RNF38: variants seen among roughly 807,000 people sequenced by gnomAD.
The protein encoded by RNF38 is E3 ubiquitin-protein ligase RNF38.
Under a neutral mutation model 67.2 loss-of-function variants are expected in RNF38, and 15 were observed. The ratio of observed to expected loss-of-function variants is 0.22; its 90% CI spans 0.15 to 0.34. The LOEUF (loss-of-function observed/expected upper bound fraction) is 0.34. RNF38 is among the 10% of genes least tolerant of loss of function. RNF38 has a pLI of 1.00. For synonymous variants in RNF38, 220 were observed against 218.8 expected (o/e 1.01, Z -0.05); for missense variants, 524 against 639.9 (o/e 0.82, Z 1.95).
At chr9:36,440,621 G>A (rs557180942) in intron 1 of RNF38, among the ~76,000 whole-genome samples, 4 of 151,980 alleles carry the variant, frequency 2.6e-5, no homozygotes, top group African/African-American at 9.6e-5. Context: ...AAAAAAGCAA[G>A]TTGCAGAATA....
chr9:36,358,279 A>T (rs1360771871), intron 4 of RNF38, among the ~76,000 whole-genome samples: 1 of 152,200 alleles, frequency 6.6e-6, no homozygotes, highest in African/African-American at 2.4e-5. Flanking sequence ...ATCTTCCATT[A>T]TTTGGTCACA....
chr9:36,475,145 CAAAA>C (rs10572878), intron 1 of RNF38, among the ~76,000 whole-genome samples: 20 of 122,544 alleles, frequency 1.6e-4, no homozygotes, highest in Admixed American at 2.5e-4. Context: ...GACTCTGCCT[CAAAA>C]AAAAAAAAAA....
chr9:36,397,382 G>C (rs1837622834), intron 1 of RNF38, among the ~76,000 whole-genome samples: 2 of 152,060 alleles, frequency 1.3e-5, no homozygotes, highest in South Asian at 4.1e-4. Flanking sequence ...CCAAAGTGCT[G>C]GGATTACAGG....
chr9:36,422,474 T>C (rs1014896880), intron 2 of RNF38, among the ~76,000 whole-genome samples: 2 of 152,298 alleles, frequency 1.3e-5, no homozygotes, highest in African/African-American at 4.8e-5. Flanking sequence ...AATCTGTAAC[T>C]TTTCTTTTAT....
In RNF38 at chr9:36,487,399, G is replaced by C. The variant is rs1198841853; in HGVS notation, n.150C>G. The C allele has an allele frequency of 4.1e-6, 4 of 982,432 alleles. No individual in the cohort carries two copies. The South Asian group carries it at 1.8e-4, about 44-fold the overall frequency. 60.9% of individuals were successfully genotyped at this position (982,432 alleles called of 1,614,324 possible). On this transcript the variant is annotated non_coding_transcript_exon_variant, in exon 1 of 4. Coordinates refer to the RNF38 transcript ENST00000488058. The stretch of plus-strand genomic sequence containing the variant: ...GAGGGCTGAGGCGGTCCGTGGCGGC[G>C]GGCTCCGGCCGGGGCGGCGGCGGTG...
chr9:36,451,537 G>A (rs1423003150), intron 1 of RNF38, among the ~76,000 whole-genome samples: 3 of 30,132 alleles, frequency 1.0e-4, no homozygotes, highest in African/African-American at 3.1e-4. Context: ...TTTCGCTTTT[G>A]TTGCTCAGGC....
chr9:36,451,141 C>T (rs1045019784), intron 1 of RNF38, among the ~76,000 whole-genome samples: 1 of 151,980 alleles, frequency 6.6e-6, no homozygotes, highest in Non-Finnish European at 1.5e-5. Context: ...AGTTATGGAA[C>T]AAACAAGCGG....
At position 36,400,153 on chromosome 9, in the gene RNF38, C is replaced by G. The variant is rs2134143845; in HGVS notation, c.-45G>C. ...TTATTTCTTTTTGGACCTCAATAAC[C>G]TGAAACACTCCCGTTTCAAAAACCA... On this transcript the variant is annotated 5_prime_UTR_variant, in exon 1 of 12. Transcript: ENST00000259605. The G allele has an allele frequency of 1.2e-6, 2 of 1,607,652 alleles. No homozygotes were observed. Among genetic ancestry groups the G allele is most frequent in the South Asian group, 1.1e-5 (1 of 90,448 alleles).
At chr9:36,343,331 T>C (rs1405381217) in intron 10 of RNF38, among the ~76,000 whole-genome samples, 2 of 152,212 alleles carry the variant, frequency 1.3e-5, no homozygotes, top group African/African-American at 4.8e-5. Context: ...CAGAGATCCC[T>C]GTTCTGAGAG....
At chr9:36,356,140 C>G (rs1439459821) in intron 6 of RNF38, among the ~76,000 whole-genome samples, 163 bp downstream of exon 6, 1 of 152,282 alleles carries the variant, frequency 6.6e-6, no homozygotes, top group Middle Eastern at 3.4e-3. Flanking sequence ...AGTCACTGCA[C>G]CTGGCCAAGT....
At chr9:36,446,835 A>G (rs1839314808) in intron 1 of RNF38, among the ~76,000 whole-genome samples, 1 of 147,728 alleles carries the variant, frequency 6.8e-6, no homozygotes, top group Admixed American at 6.8e-5. Flanking sequence ...AAAAAAAAAA[A>G]AAAAGTCAGG....
At chr9:36,416,740 A>ATTTTTT (rs1491451376) in intron 2 of RNF38, among the ~76,000 whole-genome samples, 8 of 73,050 alleles carry the variant, frequency 1.1e-4, no homozygotes, top group African/African-American at 4.4e-4. Flanking sequence ...TGCTGCCTCG[A>ATTTTTT]TATTTTTTTT....
intron 9 of RNF38, among the ~76,000 whole-genome samples, chr9:36,345,846 C>A (rs1438734007): frequency 6.6e-6 from 1 of 152,128 alleles, no homozygotes; most frequent in Non-Finnish European, 1.5e-5. Context: ...TGTAGAAATT[C>A]CCAGTTTGAA....
At chr9:36,481,815 G>GA (rs1226376643) in intron 1 of RNF38, among the ~76,000 whole-genome samples, 1 of 151,808 alleles carries the variant, frequency 6.6e-6, no homozygotes, top group East Asian at 1.9e-4. Context: ...CTCTCTCCAA[G>GA]AAAAAATGAA....
chr9:36,356,590 T>G, intron 5 of RNF38, 117 bp from the exon 6 acceptor site: 1 of 770,378 alleles, frequency 1.3e-6, no homozygotes, highest in Non-Finnish European at 2.0e-6. Context: ...TGAAAATGTT[T>G]TTAATAGCTT....
At chr9:36,476,805 G>C (rs1199068559) in intron 1 of RNF38, among the ~76,000 whole-genome samples, 1 of 152,066 alleles carries the variant, frequency 6.6e-6, no homozygotes, top group Non-Finnish European at 1.5e-5. Flanking sequence ...TGGGATTATA[G>C]CTGTTTCCTA....
At chr9:36,440,297 C>G (rs1331215553) in intron 1 of RNF38, among the ~76,000 whole-genome samples, 1 of 151,748 alleles carries the variant, frequency 6.6e-6, no homozygotes, top group Admixed American at 6.6e-5. Flanking sequence ...AACCTGTAAT[C>G]CCAGCACTTT....
chr9:36,397,018 TG>T (rs1837562387), intron 1 of RNF38, among the ~76,000 whole-genome samples: 1 of 147,716 alleles, frequency 6.8e-6, no homozygotes, highest in Non-Finnish European at 1.5e-5. Flanking sequence ...TATATGTGTG[TG>T]TGTGTGTATA....
At chr9:36,476,211 G>A (rs1840117622) in intron 1 of RNF38, among the ~76,000 whole-genome samples, 1 of 151,984 alleles carries the variant, frequency 6.6e-6, no homozygotes, top group African/African-American at 2.4e-5. Context: ...TGCAACCATG[G>A]TCTCCCGGGT....
Sources: gnomAD v4.1 joint callset for allele counts (sites outside exome capture counted in the v4.1 genomes callset) on GRCh38, gnomAD v4.1.1 for gene constraint, MANE v1.5 for transcripts, NCBI Gene and HGNC (gene_info 2026-07-23, HGNC 2026-07-21) for gene names.